Variants in KANK1 observed in about 807,000 individuals in gnomAD.
KANK1 encodes the protein KN motif and ankyrin repeat domains 1.
Under a neutral mutation model 106.2 loss-of-function variants are expected in KANK1, and 109 were observed. That is an observed-to-expected ratio of 1.03 (90% CI 0.88 to 1.20). The LOEUF (loss-of-function observed/expected upper bound fraction) is 1.20, where lower values mean the gene tolerates loss of function less well. KANK1 is among the 50% of genes most tolerant of loss of function. KANK1 has a pLI of 0.00. For missense variants in KANK1, 2,399 were observed against 1,710.7 expected (o/e 1.40, Z -7.10); for synonymous variants, 873 against 652.2 (o/e 1.34, Z -5.16).
intron 2 of KANK1, among the ~76,000 whole-genome samples, chr9:694,687 G>A (rs139456138): frequency 6.6e-6 from 1 of 152,180 alleles, no homozygotes; most frequent in Non-Finnish European, 1.5e-5. Flanking sequence ...TTCCACTACT[G>A]AGAATAGTAA....
At chr9:539,342 A>G (rs1206440570) in intron 1 of KANK1, among the ~76,000 whole-genome samples, 1 of 152,242 alleles carries the variant, frequency 6.6e-6, no homozygotes, top group East Asian at 1.9e-4. Flanking sequence ...TTCGGGGAGT[A>G]TGAACAGTTT....
chr9:732,280 A>G, intron 5 of KANK1, 98 bp from the exon 6 acceptor site: 2 of 1,425,952 alleles, frequency 1.4e-6, no homozygotes, highest in Non-Finnish European at 1.9e-6. Flanking sequence ...CACTAGTGAA[A>G]TTTCTGGAGT....
chr9:594,341 G>C (rs993239124), intron 1 of KANK1, among the ~76,000 whole-genome samples: 9 of 151,962 alleles, frequency 5.9e-5, no homozygotes, highest in African/African-American at 2.2e-4. Context: ...ATGATTGACA[G>C]AGGCTGGCTG....
intron 1 of KANK1, among the ~76,000 whole-genome samples, chr9:664,430 ATT>A (rs1356283893): frequency 6.6e-6 from 1 of 152,000 alleles, no homozygotes; most frequent in Admixed American, 6.5e-5. Flanking sequence ...ATAATATTCT[ATT>A]GTGTATTTTT....
At chr9:660,559 T>C (rs1193067631) in intron 1 of KANK1, among the ~76,000 whole-genome samples, 1 of 152,130 alleles carries the variant, frequency 6.6e-6, no homozygotes, top group Admixed American at 6.6e-5. Context: ...CGCCTGGCAG[T>C]GTCAAGTCTG....
chr9:577,071 G>T (rs149335402), intron 1 of KANK1, among the ~76,000 whole-genome samples: 1 of 152,178 alleles, frequency 6.6e-6, no homozygotes, highest in African/African-American at 2.4e-5. Flanking sequence ...GACCTTTGCA[G>T]TGTTACAGGT....
chr9:604,026 T>C (rs1828459564), intron 1 of KANK1, among the ~76,000 whole-genome samples: 1 of 151,648 alleles, frequency 6.6e-6, no homozygotes, highest in Admixed American at 6.6e-5. Context: ...CTTTGTTTTT[T>C]CATTCACTTT....
rs769799570 is a variant in KANK1, at chr9:622,955, A to G, written c.-83-53935A>G. On this transcript the variant is annotated intron_variant, in intron 1 of 11. Coordinates refer to ENST00000382297, the MANE Select transcript of KANK1 (RefSeq NM_015158.5). ...TAAGGCCTGAAACCATATAATTTCT[A>G]GAAGAAAACACAGGGGAAAAAAGCT... Among the ~76,000 whole-genome samples, 75 of 152,174 alleles carry G rather than the reference A, an allele frequency of 4.9e-4. 1 individual carries two copies. The highest frequency in any genetic ancestry group is 8.7e-4 in the Non-Finnish European group (59 of 68,046).
chr9:586,523 G>A (rs1316102678), intron 1 of KANK1, among the ~76,000 whole-genome samples: 3 of 152,182 alleles, frequency 2.0e-5, no homozygotes, highest in African/African-American at 4.8e-5. Flanking sequence ...AGGTAATGAC[G>A]AGAGAGATGA....
chr9:669,917 A>G (rs1014842244), intron 1 of KANK1, among the ~76,000 whole-genome samples: 1 of 151,946 alleles, frequency 6.6e-6, no homozygotes, highest in Non-Finnish European at 1.5e-5. Flanking sequence ...TGTATAATAT[A>G]TTTCCATTCA....
chr9:684,746 A>C (rs567497301), intron 2 of KANK1, among the ~76,000 whole-genome samples: 1 of 152,288 alleles, frequency 6.6e-6, no homozygotes, highest in African/African-American at 2.4e-5. Context: ...TTTCTGAGAA[A>C]GGTTTGTATG....
chr9:549,447 T>A (rs2061138684), intron 1 of KANK1: 1 of 152,250 alleles, frequency 6.6e-6, no homozygotes, highest in Non-Finnish European at 1.5e-5. Context: ...AACTGATAGA[T>A]GAAAGCTCCA....
chr9:598,077 T>G (rs1351436168), intron 1 of KANK1, among the ~76,000 whole-genome samples: 1 of 151,854 alleles, frequency 6.6e-6, no homozygotes, highest in East Asian at 1.9e-4. Context: ...TTTATTCTTT[T>G]GTATGTAGAT....
At chr9:554,237 C>G (rs2061444889) in intron 1 of KANK1, among the ~76,000 whole-genome samples, 2 of 152,208 alleles carry the variant, frequency 1.3e-5, no homozygotes, top group South Asian at 2.1e-4. Flanking sequence ...GGGCTGAGAA[C>G]CTGGGAGCAC....
At chr9:507,550 C>T (rs764601677) in intron 1 of KANK1, among the ~76,000 whole-genome samples, 7 of 149,190 alleles carry the variant, frequency 4.7e-5, no homozygotes, top group Admixed American at 1.3e-4. Flanking sequence ...CCACCATGCC[C>T]GGCTAATTTT....
chr9:570,036 T>G (rs1478937746), intron 1 of KANK1, among the ~76,000 whole-genome samples: 1 of 152,210 alleles, frequency 6.6e-6, no homozygotes, highest in Non-Finnish European at 1.5e-5. Context: ...TTAAAACAAT[T>G]ATTTAGGAGA....
At chr9:654,207 G>A (rs1207118101) in intron 1 of KANK1, among the ~76,000 whole-genome samples, 1 of 152,144 alleles carries the variant, frequency 6.6e-6, no homozygotes, top group African/African-American at 2.4e-5. Context: ...CCCGTTGTGG[G>A]GCCCAAGCAT....
chr9:502,739 C>T (rs10815128), upstream of KANK1, among the ~76,000 whole-genome samples: 29,720 of 151,850 alleles, frequency 0.2, 6,083 homozygotes, highest in African/African-American at 0.53. Context: ...TTGGCCAGGC[C>T]GGTGTTGAAC....
chr9:681,427 CA>C (rs1409466780), intron 2 of KANK1, among the ~76,000 whole-genome samples: 1 of 152,086 alleles, frequency 6.6e-6, no homozygotes, highest in Non-Finnish European at 1.5e-5. Context: ...GTTTCTGAAT[CA>C]TGTTGTAAAC....
Sources: allele counts gnomAD v4.1 joint callset (sites outside exome capture counted in the v4.1 genomes callset), GRCh38; gene constraint gnomAD v4.1.1; transcripts MANE v1.5; gene names NCBI Gene and HGNC (gene_info 2026-07-23, HGNC 2026-07-21).